The following LRMDA variants were observed in gnomAD, a reference collection of about 807,000 sequenced individuals.
LRMDA encodes leucine-rich melanocyte differentiation-associated protein.
Under a neutral mutation model 29.8 loss-of-function variants are expected in LRMDA, and 18 were observed. The ratio of observed to expected loss-of-function variants is 0.60; its 90% CI spans 0.42 to 0.90. The LOEUF (loss-of-function observed/expected upper bound fraction) is 0.90. Among genes scored for constraint, LRMDA ranks in the 40% least tolerant of loss-of-function variants. The pLI, the probability that LRMDA is intolerant of heterozygous loss-of-function variation, is 0.00. For synonymous variants in LRMDA, 125 were observed against 109.4 expected, an observed-to-expected ratio of 1.14 and a Z score of -0.89; for missense variants, 273 against 273.9, an observed-to-expected ratio of 1.00 and a Z score of 0.02.
intron 5 of LRMDA, among the ~76,000 whole-genome samples, chr10:76,090,689 C>T (rs974470477): frequency 6.6e-6 from 1 of 152,182 alleles, no homozygotes; most frequent in Non-Finnish European, 1.5e-5. Context: ...GAATATTATT[C>T]AGCCCTAAAA....
At chr10:75,977,929 A>G (rs1847102663) in intron 2 of LRMDA, among the ~76,000 whole-genome samples, 1 of 152,210 alleles carries the variant, frequency 6.6e-6, no homozygotes. Context: ...TAATGGTCAT[A>G]ATGGTCCCTG....
intron 2 of LRMDA, among the ~76,000 whole-genome samples, chr10:75,792,023 C>G (rs1843575231): frequency 6.6e-6 from 1 of 151,774 alleles, no homozygotes; most frequent in Non-Finnish European, 1.5e-5. Flanking sequence ...CCACGCCCGG[C>G]TAATTTTTTG....
intron 6 of LRMDA, among the ~76,000 whole-genome samples, chr10:76,385,467 T>C (rs1003538233): frequency 3.3e-5 from 5 of 152,008 alleles, no homozygotes; most frequent in Non-Finnish European, 7.4e-5. Flanking sequence ...GTGAAGGAGG[T>C]ATAGTTTGCA....
intron 6 of LRMDA, among the ~76,000 whole-genome samples, chr10:76,348,570 TC>T (rs1841137211): frequency 6.6e-6 from 1 of 152,204 alleles, no homozygotes; most frequent in South Asian, 2.1e-4. Flanking sequence ...GGAGTCTCTT[TC>T]CCCTAGTCCT....
rs183606341 is a variant in LRMDA at position 75,639,718 on chromosome 10, G to A, written c.131+201224G>A. ...TTGGTTTAACTTAGGTTTGAGAGAA[G>A]TGAACTCTGGGATTGGGTTGGATGA... On this transcript the variant is annotated intron_variant, in intron 2 of 6. Transcript: ENST00000611255. 2.4e-3 allele frequency among the ~76,000 whole-genome samples: 364 copies of A among 152,286 alleles called. 2 individuals carry two copies. Among genetic ancestry groups the A allele is most frequent in the African/African-American group, 8.0e-3 (331 of 41,558 alleles).
intron 2 of LRMDA, among the ~76,000 whole-genome samples, chr10:75,918,341 C>T (rs9416101): frequency 0.042 from 6,446 of 152,134 alleles, 461 homozygotes; most frequent in East Asian, 0.34. Context: ...ACAGGCTGTA[C>T]AGGAAGCATA....
intron 2 of LRMDA, among the ~76,000 whole-genome samples, chr10:75,740,101 G>A (rs1004509263): frequency 1.3e-5 from 2 of 152,150 alleles, no homozygotes; most frequent in Non-Finnish European, 1.5e-5. Context: ...CTATAAAAAC[G>A]TTTATGTACA....
At chr10:75,719,901 T>C (rs1428392352) in intron 2 of LRMDA, among the ~76,000 whole-genome samples, 3 of 152,230 alleles carry the variant, frequency 2.0e-5, no homozygotes, top group Non-Finnish European at 2.9e-5. Context: ...CAGGGGATGT[T>C]CCCTGGATGT....
intron 5 of LRMDA, among the ~76,000 whole-genome samples, chr10:76,209,613 A>G (rs1898085): frequency 0.27 from 40,623 of 152,100 alleles, 6,228 homozygotes; most frequent in East Asian, 0.6. Flanking sequence ...CTCTCCTTCA[A>G]TATCAAGATA....
intron 2 of LRMDA, among the ~76,000 whole-genome samples, chr10:75,981,739 G>C (rs7069378): frequency 0.37 from 55,330 of 151,402 alleles, 11,416 homozygotes; most frequent in African/African-American, 0.55. Context: ...GTAATCCCAG[G>C]TACTGAGGAG....
intron 2 of LRMDA, among the ~76,000 whole-genome samples, chr10:75,445,471 C>T (rs1396342583): frequency 6.6e-6 from 1 of 152,192 alleles, no homozygotes; most frequent in African/African-American, 2.4e-5. Context: ...GTTTCTTCTT[C>T]CAAGAGTATT....
At chr10:75,502,876 C>G (rs765790985) in intron 2 of LRMDA, among the ~76,000 whole-genome samples, 4 of 152,172 alleles carry the variant, frequency 2.6e-5, no homozygotes, top group Non-Finnish European at 5.9e-5. Flanking sequence ...CTGTTCTTCC[C>G]TGTCCAGTCC....
At chr10:75,643,694 G>C (rs775818389) in intron 2 of LRMDA, among the ~76,000 whole-genome samples, 10 of 152,162 alleles carry the variant, frequency 6.6e-5, no homozygotes, top group Non-Finnish European at 2.9e-5. Flanking sequence ...TAATTGGTAA[G>C]ACCTCTTCCA....
At chr10:76,011,151 A>T (rs922436219) in intron 2 of LRMDA, among the ~76,000 whole-genome samples, 2 of 152,136 alleles carry the variant, frequency 1.3e-5, no homozygotes, top group Non-Finnish European at 2.9e-5. Flanking sequence ...GAGAGTGGAT[A>T]TATTTTTTAG....
At chr10:76,332,217 T>C in intron 6 of LRMDA, among the ~76,000 whole-genome samples, 1 of 152,234 alleles carries the variant, frequency 6.6e-6, no homozygotes. Context: ...GTGGCAGTGA[T>C]GGAAGAGCAA....
chr10:75,638,157 G>A (rs1437669488), intron 2 of LRMDA, among the ~76,000 whole-genome samples: 1 of 152,166 alleles, frequency 6.6e-6, no homozygotes, highest in African/African-American at 2.4e-5. Context: ...AGAATGGGGT[G>A]GAAAGCTTGA....
intron 2 of LRMDA, among the ~76,000 whole-genome samples, chr10:75,849,396 A>G (rs1472282584): frequency 6.6e-6 from 1 of 151,928 alleles, no homozygotes; most frequent in African/African-American, 2.4e-5. Flanking sequence ...AAAATTGTAC[A>G]TATATACCAT....
intron 5 of LRMDA, among the ~76,000 whole-genome samples, chr10:76,177,830 G>A (rs11001670): frequency 6.6e-6 from 1 of 152,108 alleles, no homozygotes; most frequent in Non-Finnish European, 1.5e-5. Context: ...CACAAAAGCT[G>A]TTTGTTGGAG....
At chr10:75,998,927 G>C (rs1288980254) in intron 2 of LRMDA, among the ~76,000 whole-genome samples, 1 of 152,208 alleles carries the variant, frequency 6.6e-6, no homozygotes, top group Non-Finnish European at 1.5e-5. Context: ...CCAGGGAACT[G>C]TGGGGCTGGG....
Sources: allele counts gnomAD v4.1 joint callset (sites outside exome capture counted in the v4.1 genomes callset), GRCh38; gene constraint gnomAD v4.1.1; transcripts MANE v1.5; gene names NCBI Gene and HGNC (gene_info 2026-07-23, HGNC 2026-07-21).